RBM6: variants seen among roughly 807,000 people sequenced by gnomAD.
RBM6 encodes RNA binding motif protein 6.
In RBM6, 23 loss-of-function variants were observed where a neutral mutation model predicts 140.4. The observed-to-expected ratio is 0.16, with a 90% CI of 0.12 to 0.23. The LOEUF is 0.23. Among genes scored for constraint, RBM6 ranks in the 10% least tolerant of loss-of-function variants. The pLI, the probability that RBM6 is intolerant of heterozygous loss-of-function variation, is 1.00. For synonymous variants in RBM6, 439 were observed against 475.6 expected, an observed-to-expected ratio of 0.92 and a Z score of 1.00; for missense variants, 1,139 against 1,386.7, an observed-to-expected ratio of 0.82 and a Z score of 2.84.
intron 4 of RBM6, among the ~76,000 whole-genome samples, chr3:49,972,484 A>C (rs1314481027): frequency 6.6e-6 from 1 of 152,224 alleles, no homozygotes; most frequent in Non-Finnish European, 1.5e-5. Context: ...GAGTATGTAC[A>C]TAAGGATGCA....
intron 6 of RBM6, among the ~76,000 whole-genome samples, chr3:50,009,439 G>A (rs1412986382): frequency 2.0e-5 from 3 of 152,154 alleles, no homozygotes; most frequent in African/African-American, 7.2e-5. Context: ...ATATCTTTAT[G>A]TCCCCCTCTC....
rs575937347 is a variant in RBM6, at chr3:49,960,103, T to C, written c.-66-2473T>C. 2.2e-4 allele frequency among the ~76,000 whole-genome samples: 34 copies of C among 152,284 alleles called. 2 individuals carry two copies. In the South Asian group the frequency reaches 6.4e-3, roughly 29 times the overall value. ...GCCTGAGTTTTGTATTAGGTTGAAATAGAAACATGCACCTTATGTCTGTCC... is the reference window on the plus strand; with the variant it reads ...GCCTGAGTTTTGTATTAGGTTGAAACAGAAACATGCACCTTATGTCTGTCC... On this transcript the variant is annotated intron_variant, in intron 1 of 20. Coordinates refer to ENST00000266022, the MANE Select transcript of RBM6 (RefSeq NM_005777.3).
chr3:49,942,207 C>A (rs1352853142), intron 1 of RBM6, among the ~76,000 whole-genome samples: 3 of 151,708 alleles, frequency 2.0e-5, no homozygotes, highest in African/African-American at 7.3e-5. Flanking sequence ...GTATACAATT[C>A]AGCCAGGCAC....
intron 1 of RBM6, among the ~76,000 whole-genome samples, chr3:49,941,640 C>CAAAAAAAAAA (rs1171636981): frequency 2.4e-4 from 14 of 58,728 alleles, no homozygotes; most frequent in African/African-American, 9.3e-4. Context: ...AACTCTGTCT[C>CAAAAAAAAAA]AAAAAAAAAA....
intron 6 of RBM6, among the ~76,000 whole-genome samples, chr3:50,027,960 A>G (rs538273149): frequency 2.0e-5 from 3 of 152,166 alleles, no homozygotes; most frequent in Non-Finnish European, 4.4e-5. Context: ...GCATACTCAT[A>G]CATTAGATAA....
At chr3:49,956,307 C>T (rs115606100) in intron 1 of RBM6, among the ~76,000 whole-genome samples, 1,971 of 149,764 alleles carry the variant, frequency 0.013, 43 homozygotes, top group African/African-American at 0.046. Flanking sequence ...AGGCATTAGC[C>T]ACTTTCTGCC....
At chr3:50,006,880 C>T (rs554132961) in intron 6 of RBM6, among the ~76,000 whole-genome samples, 17 of 149,062 alleles carry the variant, frequency 1.1e-4, no homozygotes, top group Admixed American at 6.7e-4. Flanking sequence ...TGCAGTGAGC[C>T]GAGATCGCAC....
At chr3:50,072,100 A>G (rs1438983287) in intron 19 of RBM6, among the ~76,000 whole-genome samples, 11 of 145,316 alleles carry the variant, frequency 7.6e-5, no homozygotes, top group African/African-American at 1.3e-4. Context: ...AAAAAAAAAA[A>G]AAAAAGAAAA....
chr3:49,948,285 T>G (rs1033900070), intron 1 of RBM6, among the ~76,000 whole-genome samples: 1 of 152,044 alleles, frequency 6.6e-6, no homozygotes, highest in Non-Finnish European at 1.5e-5. Context: ...CTTAGCACTT[T>G]AGGAGGCTGA....
intron 5 of RBM6, among the ~76,000 whole-genome samples, chr3:49,979,782 G>A (rs1391872067): frequency 1.3e-5 from 2 of 152,142 alleles, no homozygotes; most frequent in Admixed American, 1.3e-4. Flanking sequence ...ATATGTGTAT[G>A]TGTGATTTCA....
At chr3:50,002,213 A>G (rs1422039503) in intron 6 of RBM6, among the ~76,000 whole-genome samples, 4 of 151,584 alleles carry the variant, frequency 2.6e-5, no homozygotes, top group Admixed American at 6.6e-5. Flanking sequence ...TCAGCCTCCC[A>G]GGTAGCTGGG....
intron 3 of RBM6, among the ~76,000 whole-genome samples, chr3:49,971,570 C>T (rs578198174): frequency 1.4e-5 from 2 of 144,296 alleles, no homozygotes; most frequent in South Asian, 4.6e-4. Flanking sequence ...GGGGGTCTCG[C>T]TCTGTCACCC....
intron 15 of RBM6, 117 bp downstream of exon 15, chr3:50,062,225 C>T: frequency 7.9e-7 from 1 of 1,270,632 alleles, no homozygotes; most frequent in Non-Finnish European, 1.1e-6. Flanking sequence ...ACTCTGTCAG[C>T]CGGGCGTGGT....
chr3:49,981,934 T>A (rs2085322225), intron 5 of RBM6, among the ~76,000 whole-genome samples: 1 of 152,252 alleles, frequency 6.6e-6, no homozygotes. Context: ...GCTTCTGGAT[T>A]ATGTTTCCTA....
intron 6 of RBM6, among the ~76,000 whole-genome samples, chr3:50,018,541 A>T (rs552261753): frequency 8.6e-5 from 13 of 150,664 alleles, no homozygotes; most frequent in Admixed American, 2.6e-4. Flanking sequence ...GTTTGGGTAA[A>T]TACAAGGGGC....
intron 1 of RBM6, among the ~76,000 whole-genome samples, chr3:49,953,992 C>A (rs557329539): frequency 6.6e-6 from 1 of 151,888 alleles, no homozygotes; most frequent in Non-Finnish European, 1.5e-5. Flanking sequence ...AAAAATTAGC[C>A]GAGCATGGTA....
intron 19 of RBM6, among the ~76,000 whole-genome samples, chr3:50,073,660 A>C (rs2090372548): frequency 6.6e-6 from 1 of 152,146 alleles, no homozygotes; most frequent in South Asian, 2.1e-4. Flanking sequence ...TCTTCAGTCC[A>C]TTCTCTACCC....
At chr3:50,021,669 A>C (rs911867140) in intron 6 of RBM6, among the ~76,000 whole-genome samples, 1 of 148,956 alleles carries the variant, frequency 6.7e-6, no homozygotes, top group African/African-American at 2.5e-5. Flanking sequence ...AATAAAATAC[A>C]TACCTATGTA....
rs2084577989 is a variant in RBM6, at chr3:49,967,905, T to C, written c.480T>C (p.Ala160=). 1.2e-6 allele frequency: 2 copies of C among 1,613,878 alleles called. No individual in the cohort carries two copies. Among genetic ancestry groups the C allele is most frequent in the Admixed American group, 1.7e-5 (1 of 59,992 alleles). The stretch of plus-strand genomic sequence containing the variant: ...ATATGAACTACAGAGACAGGGATGC[T>C]CACGCTGTTGACTTCAGAGGTAGGG... The part of the protein sequence containing the change: ...APHMNYRDRD[A]HAVDFRGRDA... The change falls in exon 3 of 21, where the codon GCT becomes GCC. Residue 160 remains alanine (A), a synonymous_variant. Coordinates refer to ENST00000266022, the MANE Select transcript of RBM6 (RefSeq NM_005777.3). The surrounding 1 kb of genome is among the most constrained non-coding windows in gnomAD (Gnocchi z 4.0).
Sources: gnomAD v4.1 joint callset for allele counts (sites outside exome capture counted in the v4.1 genomes callset) on GRCh38, gnomAD v4.1.1 for gene constraint, Gnocchi (gnomAD v3.1) non-coding constraint, MANE v1.5 for transcripts, NCBI Gene and HGNC (gene_info 2026-07-23, HGNC 2026-07-21) for gene names.